LDLRAP1: variants seen among roughly 807,000 people sequenced by gnomAD.
LDLRAP1 encodes low density lipoprotein receptor adaptor protein 1.
Under a neutral mutation model 37.8 loss-of-function variants are expected in LDLRAP1, and 30 were observed. That is an observed-to-expected ratio of 0.79 (90% CI 0.59 to 1.08). The LOEUF (loss-of-function observed/expected upper bound fraction) is 1.08. LDLRAP1 is among the 50% of genes least tolerant of loss of function. The pLI is 0.00. For missense variants in LDLRAP1, 375 were observed against 401.6 expected (o/e 0.93, Z 0.57); for synonymous variants, 156 against 169.8 (o/e 0.92, Z 0.63).
rs114779017 is a variant in LDLRAP1, at chr1:25,553,888, G to T, written c.89-34G>T. The T allele has an allele frequency of 3.0e-3, 4,880 of 1,609,714 alleles. 122 individuals are homozygous for T. The African/African-American group carries it at 0.056, about 19-fold the overall frequency. ...TGTTGCTGGTGGTGGGCCCTGAGCC[G>T]CAGGGTCTGAGGGCCTACCCTGTGC... is the stretch of plus-strand genomic sequence containing the variant. On this transcript the variant is annotated intron_variant, in intron 1 of 8. Coordinates refer to ENST00000374338, the MANE Select transcript of LDLRAP1 (RefSeq NM_015627.3).
downstream of LDLRAP1, among the ~76,000 whole-genome samples, chr1:25,570,411 C>G (rs1166706684): frequency 6.6e-6 from 1 of 152,154 alleles, no homozygotes; most frequent in African/African-American, 2.4e-5. Context: ...GTCTGCTCTC[C>G]CAGGAAGAGA....
At chr1:25,572,410 T>C (rs1452482077), downstream of LDLRAP1, among the ~76,000 whole-genome samples, 8 of 152,148 alleles carry the variant, frequency 5.3e-5, no homozygotes, top group Non-Finnish European at 8.8e-5. Context: ...TGGGTCTCCG[T>C]CACACACAGC....
the LDLRAP1 span, among the ~76,000 whole-genome samples, chr1:25,573,941 C>T: frequency 2.4e-4 from 36 of 152,332 alleles, no homozygotes; most frequent in African/African-American, 6.3e-4. Flanking sequence ...ATGGAGCTGA[C>T]GCTCCCCCAA....
the LDLRAP1 span, among the ~76,000 whole-genome samples, chr1:25,578,428 G>A: frequency 6.6e-6 from 1 of 152,238 alleles, no homozygotes; most frequent in East Asian, 1.9e-4. Context: ...TCCATCTGGT[G>A]ATAGATTACA....
chr1:25,571,974 G>A (rs143742723), downstream of LDLRAP1, among the ~76,000 whole-genome samples: 11 of 152,334 alleles, frequency 7.2e-5, no homozygotes, highest in Admixed American at 1.3e-4. Flanking sequence ...GCCCTGGAAA[G>A]TCCCCGGGCA....
At chr1:25,566,461 G>A (rs960250265) in intron 8 of LDLRAP1, among the ~76,000 whole-genome samples, 6 of 151,890 alleles carry the variant, frequency 4.0e-5, no homozygotes, top group Non-Finnish European at 7.4e-5. Flanking sequence ...TTTATTTTTC[G>A]AACAGCACGG....
chr1:25,590,254 T>G, the LDLRAP1 span: 6 of 152,238 alleles, frequency 3.9e-5, no homozygotes, highest in Non-Finnish European at 7.3e-5. Context: ...ACAAGAACAC[T>G]GCTATCCGCC....
chr1:25,550,286 G>A (rs962014444), intron 1 of LDLRAP1, among the ~76,000 whole-genome samples: 2 of 152,180 alleles, frequency 1.3e-5, no homozygotes, highest in Non-Finnish European at 2.9e-5. Context: ...ATGAAAAACT[G>A]AGGTTCAGGG....
At chr1:25,587,875 A>T in the LDLRAP1 span, among the ~76,000 whole-genome samples, 175 of 152,238 alleles carry the variant, frequency 1.1e-3, no homozygotes, top group Non-Finnish European at 1.5e-3. Flanking sequence ...GAGAGATCAG[A>T]TTGTTACTGT....
intron 3 of LDLRAP1, among the ~76,000 whole-genome samples, chr1:25,556,322 C>T (rs1333250302): frequency 6.6e-6 from 1 of 151,978 alleles, no homozygotes; most frequent in Non-Finnish European, 1.5e-5. Flanking sequence ...GGTGGGAGGC[C>T]GAGGGCTCGG....
rs984770820 is a variant in LDLRAP1, at chr1:25,557,490, C to CTGGCCCATG, written c.459+225_459+233dup. 3 of 588,694 alleles carry CTGGCCCATG rather than the reference C, an allele frequency of 5.1e-6. No homozygotes were observed. The African/African-American group carries it at 5.6e-5, about 11-fold the overall frequency. The allele number at this position is 588,694 out of a possible 1,614,324, so 36.5% of individuals were successfully genotyped here. A position where few individuals can be genotyped will look rare whatever the true frequency, so the allele number is the denominator to read the frequency against. On this transcript the variant is annotated intron_variant, in intron 4 of 8. Transcript: ENST00000374338. ...CCGGTCAGCTTTGTGTGGGCAGTAG[C>CTGGCCCATG]TGGCCCATGTCCCCAGTGTGTGTCT... is the stretch of plus-strand genomic sequence containing the variant.
At position 25,544,019 on chromosome 1, in the gene LDLRAP1, G is replaced by A. The variant is rs943255863; in HGVS notation, c.88+233G>A. Among the ~76,000 whole-genome samples the A allele has an allele frequency of 4.6e-5, 7 of 152,146 alleles. No individual in the cohort carries two copies. Among genetic ancestry groups the A allele is most frequent in the African/African-American group, 1.7e-4 (7 of 41,456 alleles). On this transcript the variant is annotated intron_variant, in intron 1 of 8. Transcript: ENST00000374338. The surrounding 1 kb of genome is among the most constrained non-coding windows in gnomAD (Gnocchi z 4.8). ...GAGGAGGGGCAGCGCTGAGGAAGGA[G>A]CCCGAGCTCGGGGTCCTCAGGTGCA... is the stretch of plus-strand genomic sequence containing the variant.
Position 25,553,871 on chromosome 1 carries a change from G to T in LDLRAP1, c.89-51G>T, listed in dbSNP as rs1378602703. 4.4e-6 allele frequency: 7 copies of T among 1,606,036 alleles called. No homozygotes were observed. The African/African-American group carries it at 5.3e-5, about 12-fold the overall frequency. ...AGAAGGCTGGTGAGAGCTGTTGCTG[G>T]TGGTGGGCCCTGAGCCGCAGGGTCT... On this transcript the variant is annotated intron_variant, in intron 1 of 8. Transcript: ENST00000374338.
the LDLRAP1 span, among the ~76,000 whole-genome samples, chr1:25,589,680 C>T: frequency 6.6e-6 from 1 of 152,244 alleles, no homozygotes; most frequent in Non-Finnish European, 1.5e-5. Context: ...AGCACTGAAG[C>T]TCTTGGTTTT....
At chr1:25,551,008 A>T (rs1282882641) in intron 1 of LDLRAP1, among the ~76,000 whole-genome samples, 1 of 152,160 alleles carries the variant, frequency 6.6e-6, no homozygotes, top group African/African-American at 2.4e-5. Context: ...GGACATGAAA[A>T]TGGGGGCTGG....
intron 4 of LDLRAP1, among the ~76,000 whole-genome samples, chr1:25,558,363 C>G (rs936814018): frequency 6.6e-6 from 1 of 152,180 alleles, no homozygotes; most frequent in Non-Finnish European, 1.5e-5. Flanking sequence ...CCCAGGCTTC[C>G]TGCTGCCCAT....
intron 7 of LDLRAP1, chr1:25,564,891 C>G: frequency 2.1e-6 from 1 of 473,194 alleles, no homozygotes; most frequent in Admixed American, 3.3e-5. Context: ...TGCCCAAGGT[C>G]TCACGGGCAG....
chr1:25,576,159 G>A, the LDLRAP1 span, among the ~76,000 whole-genome samples: 2 of 152,098 alleles, frequency 1.3e-5, no homozygotes, highest in Non-Finnish European at 2.9e-5. Flanking sequence ...TTGAATTCGG[G>A]AGGCAGAGGT....
intron 4 of LDLRAP1, 90 bp downstream of exon 4, chr1:25,557,357 C>T: frequency 1.0e-6 from 1 of 992,242 alleles, no homozygotes; most frequent in South Asian, 1.3e-5. Flanking sequence ...GGAGGCAGGA[C>T]CCAAAGGTGA....
Sources: allele counts gnomAD v4.1 joint callset (sites outside exome capture counted in the v4.1 genomes callset), GRCh38; gene constraint gnomAD v4.1.1; non-coding constraint Gnocchi (gnomAD v3.1); transcripts MANE v1.5; gene names NCBI Gene and HGNC (gene_info 2026-07-23, HGNC 2026-07-21).